XPO5: variants seen among roughly 807,000 people sequenced by gnomAD.
XPO5 encodes exportin 5, also known as exportin-5.
Under a neutral mutation model 160.6 loss-of-function variants are expected in XPO5, and 46 were observed. That is an observed-to-expected ratio of 0.29 (90% CI 0.23 to 0.37). The LOEUF (loss-of-function observed/expected upper bound fraction) is 0.37. XPO5 is among the 10% of genes least tolerant of loss of function. The probability of loss-of-function intolerance (pLI) is 1.00; values close to 1 mark genes in which losing one functional copy is unlikely to be tolerated. For synonymous variants in XPO5, 537 were observed against 519.3 expected, an observed-to-expected ratio of 1.03 and a Z score of -0.46; for missense variants, 1,090 against 1,463.9, an observed-to-expected ratio of 0.74 and a Z score of 4.17.
At chr6:43,566,093 C>A (rs1762681395) in intron 7 of XPO5, among the ~76,000 whole-genome samples, 1 of 151,992 alleles carries the variant, frequency 6.6e-6, no homozygotes, top group South Asian at 2.1e-4. Flanking sequence ...CCTGTCTCTA[C>A]TAAAAATACA....
rs113365843 is a variant in XPO5, at chr6:43,564,764, C to T, written c.911+896G>A. The stretch of plus-strand genomic sequence containing the variant: ...CTACAAGTACACATACCACCACACC[C>T]GACTAATTTCTGTATTTTTTTGTAG... On this transcript the variant is annotated intron_variant, in intron 8 of 31. Transcript: ENST00000265351. Among the ~76,000 whole-genome samples the T allele has an allele frequency of 3.9e-5, 6 of 151,958 alleles. No homozygotes were observed. The South Asian group carries it at 6.2e-4, about 16-fold the overall frequency.
At chr6:43,530,966 G>A in intron 22 of XPO5, 142 bp from the exon 23 acceptor site, 1 of 1,086,016 alleles carries the variant, frequency 9.2e-7, no homozygotes, top group Non-Finnish European at 1.3e-6. Flanking sequence ...AGAACTTATA[G>A]ATACAGCATC....
At position 43,528,830 on chromosome 6, in the gene XPO5, T is replaced by C. The variant is rs1195431406; in HGVS notation, c.2773A>G (p.Met925Val). The C allele has an allele frequency of 1.2e-6, 2 of 1,613,312 alleles. No homozygotes were observed. Among genetic ancestry groups the C allele is most frequent in the South Asian group, 1.1e-5 (1 of 90,990 alleles). ...ILGPLFTYLH[M>V]RLSQKWQVIN... ...CCTGTTCCTGACTTATCTCTTACCA[T>C]ATGGAGGTAGGTGAAAAGAGGTCCG... Residue 925 changes from methionine to valine, a missense_variant and splice_region_variant, in exon 24 of 32, where the codon ATG (methionine) becomes GTG (valine). This residue lies in a region of XPO5 where 810 missense variants were observed against 1,139.0 expected (regional missense o/e 0.71). Coordinates refer to ENST00000265351, the MANE Select transcript of XPO5 (RefSeq NM_020750.3).
chr6:43,547,644 T>C lies in XPO5; in HGVS notation c.2124A>G (p.Pro708=). 1 of 1,614,056 alleles carries C rather than the reference T, an allele frequency of 6.2e-7. No individual in the cohort carries two copies. Among genetic ancestry groups the C allele is most frequent in the Non-Finnish European group, 8.5e-7 (1 of 1,179,896 alleles). Residue 708 remains proline, a synonymous_variant, in exon 19 of 32, where the codon CCA becomes CCG. Coordinates refer to ENST00000265351, the MANE Select transcript of XPO5 (RefSeq NM_020750.3). ...YVGTDQKSCD[P]GLEDPCGLNR... ...TTAAGCCACACGGATCCTCCAGGCC[T>C]GGGTCACAGCTCTTCTGATCTGTAC...
intron 8 of XPO5, among the ~76,000 whole-genome samples, chr6:43,564,161 G>A (rs1273263679): frequency 1.3e-5 from 2 of 152,032 alleles, no homozygotes; most frequent in African/African-American, 4.8e-5. Flanking sequence ...ACCTCAGGTG[G>A]TCCATCTGCC....
chr6:43,526,074 G>C (rs1050963736), intron 27 of XPO5, 153 bp from the exon 28 acceptor site: 30 of 691,158 alleles, frequency 4.3e-5, no homozygotes, highest in Admixed American at 1.3e-4. Context: ...TCCACATAAT[G>C]CCCATGCCCA....
chr6:43,567,908 C>T (rs1464443107), intron 6 of XPO5, among the ~76,000 whole-genome samples: 1 of 148,942 alleles, frequency 6.7e-6, no homozygotes, highest in Non-Finnish European at 1.5e-5. Flanking sequence ...TGTACTCTAG[C>T]CTGGGTGACA....
chr6:43,558,463 G>C (rs763111385), intron 12 of XPO5, 38 bp downstream of exon 12: 20 of 1,529,196 alleles, frequency 1.3e-5, no homozygotes, highest in Non-Finnish European at 1.8e-5. Flanking sequence ...ATGCCATTCT[G>C]AGACTGTTGA....
intron 20 of XPO5, among the ~76,000 whole-genome samples, chr6:43,543,801 C>A (rs545786808): frequency 6.6e-6 from 1 of 151,918 alleles, no homozygotes; most frequent in Admixed American, 6.6e-5. Context: ...CTCAGCCTCC[C>A]GAGTAGCTGG....
At chr6:43,525,322 T>G in intron 28 of XPO5, 108 bp from the exon 29 acceptor site, 1 of 1,055,324 alleles carries the variant, frequency 9.5e-7, no homozygotes, top group African/African-American at 1.6e-5. Context: ...TCCCCCCCTC[T>G]AAAGATGGGT....
intron 19 of XPO5, 93 bp from the exon 20 acceptor site, chr6:43,546,845 G>C (rs1024176030): frequency 8.2e-7 from 1 of 1,214,174 alleles, no homozygotes; most frequent in African/African-American, 1.6e-5. Context: ...TGGCAAAAGT[G>C]ACACAGAGGC....
chr6:43,551,206 T>C, intron 15 of XPO5, 92 bp downstream of exon 15: 4 of 1,322,518 alleles, frequency 3.0e-6, no homozygotes, highest in South Asian at 3.6e-5. Context: ...GCCTGGGCAA[T>C]GTAGCAAGAT....
At chr6:43,534,310 CAGG>C (rs1794180577) in intron 20 of XPO5, among the ~76,000 whole-genome samples, 1 of 152,144 alleles carries the variant, frequency 6.6e-6, no homozygotes, top group Admixed American at 6.5e-5. Flanking sequence ...GAGGTGGTCC[CAGG>C]AGTTTTTTGA....
At chr6:43,566,700 C>T (rs758480120) in intron 7 of XPO5, 1 of 330,890 alleles carries the variant, frequency 3.0e-6, no homozygotes, top group Admixed American at 3.0e-5. Flanking sequence ...GTCCTAGCTA[C>T]TCGGGAAGCT....
At chr6:43,558,614 G>C (rs1426041111) in intron 11 of XPO5, 23 bp from the exon 12 acceptor site, 2 of 1,545,726 alleles carry the variant, frequency 1.3e-6, no homozygotes, top group African/African-American at 2.7e-5. Context: ...AGGTAATTGG[G>C]GTAGGGGATG....
In XPO5 at chr6:43,560,311, GA is replaced by G. The variant is rs771450577; in HGVS notation, c.1096-9del. 1,322 of 1,409,584 alleles carry G rather than the reference GA, an allele frequency of 9.4e-4. 4 individuals carry two copies. Among genetic ancestry groups the G allele is most frequent in the South Asian group, 7.1e-3 (498 of 70,170 alleles). The allele number at this position is 1,409,584 out of a possible 1,614,324, so 87.3% of individuals were successfully genotyped here. On this transcript the variant is annotated splice_polypyrimidine_tract_variant and intron_variant, in intron 10 of 31. Transcript: ENST00000265351. The stretch of plus-strand genomic sequence containing the variant: ...AGTTGAAGAGCGTAGAAACTAAAGA[GA>G]AAAAAAAAAGAAAACGTCAAAGGAT...
chr6:43,541,505 G>T (rs1794688258), intron 20 of XPO5, among the ~76,000 whole-genome samples: 1 of 152,156 alleles, frequency 6.6e-6, no homozygotes, highest in South Asian at 2.1e-4. Flanking sequence ...GGTTGCATAA[G>T]TAACCTCTAC....
At chr6:43,540,989 A>G (rs1046268350) in intron 20 of XPO5, among the ~76,000 whole-genome samples, 1 of 152,210 alleles carries the variant, frequency 6.6e-6, no homozygotes, top group African/African-American at 2.4e-5. Flanking sequence ...GCTAAATGAA[A>G]TAAGCCAGGC....
At chr6:43,571,168 C>T (rs924176553) in intron 3 of XPO5, among the ~76,000 whole-genome samples, 174 bp from the exon 4 acceptor site, 2 of 152,202 alleles carry the variant, frequency 1.3e-5, no homozygotes, top group African/African-American at 4.8e-5. Flanking sequence ...TTGCTAATCA[C>T]TCTTCCGCTT....
Sources: allele counts gnomAD v4.1 joint callset (sites outside exome capture counted in the v4.1 genomes callset), GRCh38; gene constraint gnomAD v4.1.1; regional missense constraint gnomAD v4.1.1; transcripts MANE v1.5; gene names NCBI Gene and HGNC (gene_info 2026-07-23, HGNC 2026-07-21).